The following MGAT5 variants were observed in gnomAD, a reference collection of about 807,000 sequenced individuals.
The protein encoded by MGAT5 is alpha-1,6-mannosylglycoprotein 6-beta-N-acetylglucosaminyltransferase A.
MGAT5 carries 30 observed loss-of-function variants against 94.3 expected under a neutral mutation model. That is an observed-to-expected ratio of 0.32 (90% CI 0.24 to 0.43). The LOEUF (loss-of-function observed/expected upper bound fraction) is 0.43. Ranked by LOEUF, MGAT5 falls within the 20% of genes least tolerant of loss-of-function variation. The pLI is 1.00. For missense variants in MGAT5, 691 were observed against 905.5 expected, an observed-to-expected ratio of 0.76 and a Z score of 3.04; for synonymous variants, 310 against 322.9, an observed-to-expected ratio of 0.96 and a Z score of 0.43.
At chr2:134,335,206 C>T (rs1384424065) in intron 4 of MGAT5, among the ~76,000 whole-genome samples, 1 of 8,572 alleles carries the variant, frequency 1.2e-4, no homozygotes, top group Non-Finnish European at 6.5e-4. Context: ...GAGGCTATAG[C>T]TCCACACGTC....
intron 5 of MGAT5, 58 bp from the exon 6 acceptor site, chr2:134,338,201 A>G: frequency 7.2e-7 from 1 of 1,398,370 alleles, no homozygotes; most frequent in Non-Finnish European, 9.7e-7. Context: ...CATCATGAAA[A>G]CTATTATGCT....
intron 2 of MGAT5, among the ~76,000 whole-genome samples, chr2:134,307,902 G>A (rs957007562): frequency 6.6e-6 from 1 of 152,062 alleles, no homozygotes; most frequent in Admixed American, 6.6e-5. Context: ...TAAAAAAGGG[G>A]GTAGCAGAAC....
At chr2:134,339,160 G>T (rs1297707866) in intron 6 of MGAT5, among the ~76,000 whole-genome samples, 1 of 152,164 alleles carries the variant, frequency 6.6e-6, no homozygotes, top group African/African-American at 2.4e-5. Context: ...CAGTTTGATA[G>T]GTCAGTTTTG....
rs114004540 is a variant in MGAT5 at position 134,185,059 on chromosome 2, G to A, written c.-143+64768G>A. Among the ~76,000 whole-genome samples the A allele has an allele frequency of 3.9e-3, 588 of 152,126 alleles. 5 individuals are homozygous for A. The highest frequency in any genetic ancestry group is 0.013 in the African/African-American group (554 of 41,478). On this transcript the variant is annotated intron_variant, in intron 1 of 16. Transcript: ENST00000409645. The stretch of plus-strand genomic sequence containing the variant: ...AGGGATGGAAAACCACATATTATAC[G>A]TTCTCACTTATAAGTGGGAACTAAG...
chr2:134,285,259 T>G (rs545633509), intron 2 of MGAT5, among the ~76,000 whole-genome samples: 1 of 124,172 alleles, frequency 8.1e-6, no homozygotes, highest in African/African-American at 2.8e-5. Context: ...CAATGACAGC[T>G]TTTTTTTTCT....
At chr2:134,354,468 T>G (rs1679594841) in intron 9 of MGAT5, among the ~76,000 whole-genome samples, 1 of 152,178 alleles carries the variant, frequency 6.6e-6, no homozygotes, top group South Asian at 2.1e-4. Context: ...AACAGTGAAA[T>G]GAAATACGCT....
chr2:134,184,066 TTAAAA>T (rs546707624), intron 1 of MGAT5, among the ~76,000 whole-genome samples: 11 of 152,274 alleles, frequency 7.2e-5, no homozygotes, highest in Non-Finnish European at 1.6e-4. Context: ...TCGTCTCTAA[TTAAAA>T]TAAAGAATCT....
At chr2:134,140,946 G>C (rs969807621) in intron 1 of MGAT5, among the ~76,000 whole-genome samples, 1 of 152,182 alleles carries the variant, frequency 6.6e-6, no homozygotes, top group Non-Finnish European at 1.5e-5. Flanking sequence ...GAGGTGCTAT[G>C]GTTTGAATAT....
chr2:134,430,478 A>C (rs1412625081), intron 14 of MGAT5, among the ~76,000 whole-genome samples: 1 of 152,180 alleles, frequency 6.6e-6, no homozygotes, highest in African/African-American at 2.4e-5. Flanking sequence ...CCTGCTGGAC[A>C]CATGGTCGGT....
upstream of MGAT5, among the ~76,000 whole-genome samples, chr2:134,251,862 A>G (rs1359134623): frequency 1.3e-5 from 2 of 152,142 alleles, no homozygotes. Context: ...TCCTAAATGT[A>G]ACTTTTTACC....
At chr2:134,409,886 G>A (rs529896817) in intron 11 of MGAT5, among the ~76,000 whole-genome samples, 32 of 152,274 alleles carry the variant, frequency 2.1e-4, no homozygotes, top group African/African-American at 6.5e-4. Flanking sequence ...TCTCTGCTTA[G>A]CATTAGTTCA....
intron 4 of MGAT5, among the ~76,000 whole-genome samples, chr2:134,322,093 A>G (rs1433349777): frequency 1.3e-5 from 2 of 152,334 alleles, no homozygotes; most frequent in East Asian, 3.9e-4. Context: ...TGTGCCTAGG[A>G]TTCTTCCTTT....
At chr2:134,163,663 C>T (rs1478793629) in intron 1 of MGAT5, among the ~76,000 whole-genome samples, 1 of 152,132 alleles carries the variant, frequency 6.6e-6, no homozygotes, top group Non-Finnish European at 1.5e-5. Context: ...AGTTTATTTT[C>T]CCCCAGAAGG....
rs1184806306 is a variant in MGAT5, at chr2:134,450,540, T to C, written c.*1693T>C. 6.6e-6 allele frequency: 1 copy of C among 152,228 alleles called. No homozygotes were observed. Among genetic ancestry groups the C allele is most frequent in the Non-Finnish European group, 1.5e-5 (1 of 68,056 alleles). 9.4% of individuals were successfully genotyped at this position (152,228 alleles called of 1,614,324 possible). ...CAAATGTGCAGCCAGCCTTTTTTCT[T>C]AGGCCCACTGAGATCCCTGCTCAGT... is the stretch of plus-strand genomic sequence containing the variant. On this transcript the variant is annotated 3_prime_UTR_variant, in exon 16 of 16. Transcript: ENST00000281923.
chr2:134,146,393 A>G (rs985409346), intron 1 of MGAT5, among the ~76,000 whole-genome samples: 7 of 143,702 alleles, frequency 4.9e-5, no homozygotes, highest in African/African-American at 1.8e-4. Context: ...CCTCGTCTCT[A>G]CAAAAAAAAT....
At chr2:134,147,010 G>A (rs1253008705) in intron 1 of MGAT5, among the ~76,000 whole-genome samples, 1 of 152,078 alleles carries the variant, frequency 6.6e-6, no homozygotes, top group African/African-American at 2.4e-5. Flanking sequence ...ATATTTTATT[G>A]TTTAGTTAAA....
At chr2:134,131,152 A>C (rs1181964566) in intron 1 of MGAT5, among the ~76,000 whole-genome samples, 1 of 152,232 alleles carries the variant, frequency 6.6e-6, no homozygotes, top group Non-Finnish European at 1.5e-5. Context: ...TCCTGAGGCC[A>C]GCGAGCTCAC....
intron 1 of MGAT5, among the ~76,000 whole-genome samples, chr2:134,129,828 G>A (rs764904923): frequency 8.5e-5 from 13 of 152,166 alleles, no homozygotes; most frequent in African/African-American, 2.7e-4. Flanking sequence ...CGGCCTCAGC[G>A]TCCACTCTGG....
chr2:134,437,027 C>T (rs1478285088), intron 14 of MGAT5, among the ~76,000 whole-genome samples: 1 of 152,206 alleles, frequency 6.6e-6, no homozygotes, highest in African/African-American at 2.4e-5. Flanking sequence ...CTCGCTCTGT[C>T]GCCCAGGCTG....
Sources: allele counts gnomAD v4.1 joint callset (sites outside exome capture counted in the v4.1 genomes callset), GRCh38; gene constraint gnomAD v4.1.1; transcripts MANE v1.5; gene names NCBI Gene and HGNC (gene_info 2026-07-23, HGNC 2026-07-21).